Variants in ADGRV1 observed in about 807,000 individuals in gnomAD.
ADGRV1 encodes the protein G-protein coupled receptor 98.
A neutral mutation model predicts 596.2 loss-of-function variants in ADGRV1; 359 were observed. The observed-to-expected ratio is 0.60, with a 90% CI of 0.55 to 0.66. The LOEUF is 0.66. Among genes scored for constraint, ADGRV1 ranks in the 30% least tolerant of loss-of-function variants. The pLI is 0.00. For synonymous variants in ADGRV1, 2,681 were observed against 2,679.2 expected (o/e 1.00, Z -0.02); for missense variants, 7,274 against 7,575.6 (o/e 0.96, Z 1.48).
intron 75 of ADGRV1, among the ~76,000 whole-genome samples, chr5:90,818,560 A>G (rs1763149196): frequency 6.6e-6 from 1 of 150,778 alleles, no homozygotes; most frequent in African/African-American, 2.4e-5. Context: ...TTTGTCATAG[A>G]TAGCTCTTAT....
At chr5:91,124,048 G>A (rs1793546926) in intron 87 of ADGRV1, among the ~76,000 whole-genome samples, 1 of 152,150 alleles carries the variant, frequency 6.6e-6, no homozygotes, top group South Asian at 2.1e-4. Flanking sequence ...CGTTTGAGAA[G>A]GCCATTAATG....
intron 78 of ADGRV1, among the ~76,000 whole-genome samples, chr5:90,841,435 C>T (rs112800433): frequency 0.014 from 2,118 of 152,150 alleles, 14 homozygotes; most frequent in Middle Eastern, 0.048. Context: ...TTCTTTAGTC[C>T]TCACGGGCAC....
chr5:90,941,537 CTA>C (rs1326550159), intron 83 of ADGRV1, among the ~76,000 whole-genome samples: 14 of 152,170 alleles, frequency 9.2e-5, no homozygotes, highest in African/African-American at 3.1e-4. Flanking sequence ...CAATCCAAAA[CTA>C]TTTAAAACCT....
chr5:91,105,387 T>C (rs1300092852), intron 87 of ADGRV1, among the ~76,000 whole-genome samples: 3 of 152,202 alleles, frequency 2.0e-5, no homozygotes, highest in East Asian at 1.9e-4. Flanking sequence ...TGTAGTTCTA[T>C]TGGCAATTTT....
intron 86 of ADGRV1, among the ~76,000 whole-genome samples, chr5:91,073,860 G>A (rs1417144588): frequency 6.6e-6 from 1 of 152,034 alleles, no homozygotes; most frequent in Non-Finnish European, 1.5e-5. Context: ...ACCATGCCTG[G>A]CCAACTTTTG....
At chr5:90,923,743 T>G (rs1282656189) in intron 83 of ADGRV1, among the ~76,000 whole-genome samples, 1 of 152,184 alleles carries the variant, frequency 6.6e-6, no homozygotes, top group African/African-American at 2.4e-5. Flanking sequence ...AATCGTCATC[T>G]AGCATTAGTT....
At chr5:90,982,013 A>G (rs886685535) in intron 84 of ADGRV1, among the ~76,000 whole-genome samples, 6 of 152,168 alleles carry the variant, frequency 3.9e-5, no homozygotes, top group African/African-American at 1.4e-4. Context: ...GCTTGAGCCC[A>G]GGACTTCAAG....
rs185783228 is a variant in ADGRV1 at position 91,119,133 on chromosome 5, C to T, written c.18432+16793C>T. Among the ~76,000 whole-genome samples the T allele has an allele frequency of 3.0e-3, 457 of 152,166 alleles. 4 individuals are homozygous for T. Among genetic ancestry groups the T allele is most frequent in the African/African-American group, 0.01 (435 of 41,462 alleles). On this transcript the variant is annotated intron_variant, in intron 87 of 89. Coordinates refer to ENST00000405460, the MANE Select transcript of ADGRV1 (RefSeq NM_032119.4). ...GAAAAATCAAACAAGTTTTTAAATC[C>T]ACCTAATAGTATTCATCAGGGAATT... is the stretch of plus-strand genomic sequence containing the variant.
intron 73 of ADGRV1, 58 bp from the exon 74 acceptor site, chr5:90,810,175 C>T (rs575074791): frequency 3.4e-4 from 449 of 1,314,302 alleles, no homozygotes; most frequent in Non-Finnish European, 4.3e-4. Flanking sequence ...TGAATCTCTA[C>T]AGTCATATTC....
Position 90,763,437 on chromosome 5 carries a change from A to G in ADGRV1, c.12253A>G (p.Ser4085Gly). The change falls in exon 59 of 90, where the codon AGT (serine) becomes GGT (glycine). Residue 4085 changes from serine (S) to glycine (G), a missense_variant. This residue lies in a region of ADGRV1 where 3,643 missense variants were observed against 3,809.2 expected (regional missense o/e 0.96). Transcript: ENST00000405460. ...TIDEKAKHNLSPLNGTLHFDE... is the reference protein window; with the variant it reads ...TIDEKAKHNLGPLNGTLHFDE... ...AGATGAGAAGGCTAAACATAACCTT[A>G]GTCCTTTGAATGGGACCCTTCATTT... 6.2e-7 allele frequency: 1 copy of G among 1,613,626 alleles called. No homozygotes were observed. Among genetic ancestry groups the G allele is most frequent in the Non-Finnish European group, 8.5e-7 (1 of 1,179,588 alleles).
intron 86 of ADGRV1, among the ~76,000 whole-genome samples, chr5:91,078,839 A>G (rs1289713473): frequency 6.6e-6 from 1 of 152,234 alleles, no homozygotes; most frequent in Non-Finnish European, 1.5e-5. Flanking sequence ...TGGGAGAAAT[A>G]GTACATTATT....
chr5:90,568,803 G>C (rs1755992501), intron 1 of ADGRV1, among the ~76,000 whole-genome samples: 1 of 152,078 alleles, frequency 6.6e-6, no homozygotes. Context: ...CTTTTTATGT[G>C]CCTGTAGGTT....
chr5:90,755,048 C>G lies in ADGRV1; in HGVS notation c.11443C>G (p.His3815Asp), dbSNP rs1398847549. The G allele has an allele frequency of 6.2e-7, 1 of 1,612,850 alleles. No homozygotes were observed. ...AGGACTACTTGGGGATATTGCCATT[C>G]ACTTGAGAGCTCAACCCAATTTCTT... ...DKGLLGDIAI[H>D]LRAQPNFLLH... The change falls in exon 55 of 90, where the codon CAC becomes GAC. Residue 3815 changes from histidine to aspartate, a missense_variant. Coordinates refer to ENST00000405460, the MANE Select transcript of ADGRV1 (RefSeq NM_032119.4).
At chr5:90,905,972 C>A (rs1157379593) in intron 83 of ADGRV1, among the ~76,000 whole-genome samples, 1 of 152,058 alleles carries the variant, frequency 6.6e-6, no homozygotes, top group Non-Finnish European at 1.5e-5. Flanking sequence ...GATTTTTCAG[C>A]ATCGATTAAA....
At chr5:91,027,147 ACACACACAC>A (rs1331041147) in intron 85 of ADGRV1, among the ~76,000 whole-genome samples, 1 of 119,390 alleles carries the variant, frequency 8.4e-6, no homozygotes, top group African/African-American at 3.6e-5. Flanking sequence ...GTCTCAAAAC[ACACACACAC>A]ACACACACAC....
At chr5:91,050,395 A>G (rs1266066666) in intron 85 of ADGRV1, among the ~76,000 whole-genome samples, 2 of 152,106 alleles carry the variant, frequency 1.3e-5, no homozygotes, top group Non-Finnish European at 2.9e-5. Context: ...AATTCTCAGC[A>G]CTTCACAATG....
intron 29 of ADGRV1, among the ~76,000 whole-genome samples, chr5:90,688,568 G>T (rs1746017332): frequency 6.6e-6 from 1 of 152,086 alleles, no homozygotes; most frequent in South Asian, 2.1e-4. Context: ...TGTTGGCCAG[G>T]ATGGTCTCGA....
At chr5:91,047,928 A>T (rs865832400) in intron 85 of ADGRV1, among the ~76,000 whole-genome samples, 16 of 152,222 alleles carry the variant, frequency 1.1e-4, no homozygotes, top group African/African-American at 3.9e-4. Context: ...TGACGCAATT[A>T]TTTAAAAATC....
At position 90,653,691 on chromosome 5, in the gene ADGRV1, G is replaced by C; in HGVS notation, c.4117G>C (p.Ala1373Pro). 1 of 1,613,234 alleles carries C rather than the reference G, an allele frequency of 6.2e-7. No individual in the cohort carries two copies. ...PNANTNGFII[A>P]KDDGNGSIYY... is the part of the protein sequence containing the mutation. ...TGCCAATACGAATGGATTCATTATAGCGAAGGATGACGGTAATGGAAGCAT... is the reference window on the plus strand; with the variant it reads ...TGCCAATACGAATGGATTCATTATACCGAAGGATGACGGTAATGGAAGCAT... Residue 1373 changes from alanine (A) to proline (P), a missense_variant, in exon 20 of 90, where the codon GCG (alanine) becomes CCG (proline). Coordinates refer to ENST00000405460, the MANE Select transcript of ADGRV1 (RefSeq NM_032119.4).
Sources: gnomAD v4.1 joint callset for allele counts (sites outside exome capture counted in the v4.1 genomes callset) on GRCh38, gnomAD v4.1.1 for gene constraint, gnomAD v4.1.1 regional missense constraint, MANE v1.5 for transcripts, NCBI Gene and HGNC (gene_info 2026-07-23, HGNC 2026-07-21) for gene names.